Variants in COMMD10 observed in about 807,000 individuals in gnomAD.
COMMD10 encodes COMM domain-containing protein 10.
COMMD10 carries 33 observed loss-of-function variants against 28.9 expected under a neutral mutation model. The observed-to-expected ratio is 1.14, with a 90% CI of 0.87 to 1.53. The LOEUF (loss-of-function observed/expected upper bound fraction) is 1.53. Ranked by LOEUF, COMMD10 falls within the 40% of genes most tolerant of loss-of-function variation. The pLI is 0.00. For missense variants in COMMD10, 310 were observed against 233.4 expected (o/e 1.33, Z -2.14); for synonymous variants, 110 against 81.7 (o/e 1.35, Z -1.87).
At chr5:116,265,757 C>G (rs1580596752) in intron 5 of COMMD10, among the ~76,000 whole-genome samples, 1 of 151,584 alleles carries the variant, frequency 6.6e-6, no homozygotes, top group Non-Finnish European at 1.5e-5. Flanking sequence ...GCAGATGAGC[C>G]ATAGAATATT....
At chr5:116,113,008 C>G (rs973550479) in intron 4 of COMMD10, among the ~76,000 whole-genome samples, 8 of 152,232 alleles carry the variant, frequency 5.3e-5, no homozygotes, top group Non-Finnish European at 8.8e-5. Flanking sequence ...TAGGACTGGT[C>G]TAGTTTTCAT....
chr5:116,280,431 A>G (rs980580561), intron 5 of COMMD10, among the ~76,000 whole-genome samples: 2 of 151,842 alleles, frequency 1.3e-5, no homozygotes, highest in African/African-American at 4.9e-5. Context: ...AGAGATGGGA[A>G]GAGAATCCTA....
At chr5:116,131,405 G>GTGTATGTA (rs558285575) in intron 4 of COMMD10, among the ~76,000 whole-genome samples, 24 of 151,670 alleles carry the variant, frequency 1.6e-4, no homozygotes, top group Non-Finnish European at 2.7e-4. Context: ...GTGTGTATGT[G>GTGTATGTA]TGTATGTATG....
At chr5:116,213,336 C>T (rs1054032843) in intron 5 of COMMD10, among the ~76,000 whole-genome samples, 3 of 152,138 alleles carry the variant, frequency 2.0e-5, no homozygotes, top group Admixed American at 1.3e-4. Flanking sequence ...TCACATCAGT[C>T]TTACAGCTTT....
chr5:116,183,678 C>T (rs992179412), intron 5 of COMMD10, among the ~76,000 whole-genome samples: 20 of 152,108 alleles, frequency 1.3e-4, no homozygotes, highest in African/African-American at 3.9e-4. Flanking sequence ...ACTTAGCACA[C>T]TGACACAGAG....
chr5:116,205,555 T>G (rs1427808564), intron 5 of COMMD10, among the ~76,000 whole-genome samples: 2 of 152,170 alleles, frequency 1.3e-5, no homozygotes, highest in African/African-American at 4.8e-5. Flanking sequence ...TATATGCATA[T>G]GTATATATAC....
At chr5:116,268,503 A>G (rs171625) in intron 5 of COMMD10, among the ~76,000 whole-genome samples, 3 of 151,880 alleles carry the variant, frequency 2.0e-5, no homozygotes, top group African/African-American at 4.9e-5. Flanking sequence ...ACTATTGGTG[A>G]GACTGTAAAC....
In COMMD10 at chr5:116,106,280, T is replaced by C. The variant is rs1178629199; in HGVS notation, c.399+13580T>C. 4.6e-5 allele frequency among the ~76,000 whole-genome samples: 7 copies of C among 152,300 alleles called. No individual in the cohort carries two copies. In the East Asian group the frequency reaches 1.2e-3, roughly 25 times the overall value. Reference sequence around the variant, plus strand: ...TCAGCGGCAGGTTGTTCAGTTTCCATGTGTTGTGAGGTTTTGAGTGAGTTT... The same window carrying C: ...TCAGCGGCAGGTTGTTCAGTTTCCACGTGTTGTGAGGTTTTGAGTGAGTTT... On this transcript the variant is annotated intron_variant, in intron 4 of 6. Coordinates refer to ENST00000274458, the MANE Select transcript of COMMD10 (RefSeq NM_016144.4).
chr5:116,177,527 C>A (rs536429124), intron 5 of COMMD10, among the ~76,000 whole-genome samples: 2 of 78,194 alleles, frequency 2.6e-5, no homozygotes, highest in African/African-American at 1.5e-4. Context: ...TCTAAGTGAC[C>A]CCCCCCACCC....
At chr5:116,116,704 T>TTTTTTC in intron 4 of COMMD10, among the ~76,000 whole-genome samples, 1 of 31,568 alleles carries the variant, frequency 3.2e-5, no homozygotes, top group Non-Finnish European at 1.4e-4. Context: ...AATGCAGAGA[T>TTTTTTC]TTTTTTTTTT....
At chr5:116,217,121 A>G (rs1001789536) in intron 5 of COMMD10, among the ~76,000 whole-genome samples, 2 of 151,798 alleles carry the variant, frequency 1.3e-5, no homozygotes, top group Non-Finnish European at 2.9e-5. Context: ...CTTAGGGAAG[A>G]TTTGGAAAAT....
chr5:116,256,849 G>T (rs528443486), intron 5 of COMMD10, among the ~76,000 whole-genome samples: 8 of 151,708 alleles, frequency 5.3e-5, no homozygotes, highest in African/African-American at 1.9e-4. Flanking sequence ...AGCCAGCCAC[G>T]TGGATACTCT....
At chr5:116,250,440 A>G (rs534691399) in intron 5 of COMMD10, among the ~76,000 whole-genome samples, 10 of 151,502 alleles carry the variant, frequency 6.6e-5, no homozygotes, top group Non-Finnish European at 1.3e-4. Flanking sequence ...ATTTTTATAC[A>G]TAATTGGAGA....
At chr5:116,095,731 C>G (rs1460500023) in intron 4 of COMMD10, among the ~76,000 whole-genome samples, 1 of 151,580 alleles carries the variant, frequency 6.6e-6, no homozygotes, top group Non-Finnish European at 1.5e-5. Flanking sequence ...CTGTTTTCTT[C>G]TAAATGTTTT....
At chr5:116,249,220 T>A (rs1223214138) in intron 5 of COMMD10, among the ~76,000 whole-genome samples, 3 of 151,990 alleles carry the variant, frequency 2.0e-5, no homozygotes, top group Admixed American at 2.0e-4. Context: ...TTACTTTTCA[T>A]TGAAATATTC....
intron 5 of COMMD10, among the ~76,000 whole-genome samples, chr5:116,216,593 G>A (rs751052031): frequency 9.2e-5 from 14 of 152,280 alleles, no homozygotes; most frequent in Admixed American, 3.3e-4. Context: ...GTTCAGTGGC[G>A]CGATCTCGGC....
At position 116,085,076 on chromosome 5, in the gene COMMD10, C is replaced by G. The variant is rs767938566; in HGVS notation, c.24C>G (p.Ile8Met). The G allele has an allele frequency of 2.5e-6, 4 of 1,610,338 alleles. No homozygotes were observed. The South Asian group carries it at 3.3e-5, about 13-fold the overall frequency. Residue 8 changes from isoleucine (I) to methionine (M), a missense_variant, in exon 1 of 7, where the codon ATC (isoleucine) becomes ATG (methionine). Coordinates refer to ENST00000274458, the MANE Select transcript of COMMD10 (RefSeq NM_016144.4). MAVPAAL[I>M]LRESPSMKKA... ...AGATGGCGGTCCCCGCGGCGCTGAT[C>G]CTACGGGAGAGCCCCAGGTAGCTGA... is the stretch of plus-strand genomic sequence containing the variant.
chr5:116,190,710 C>A (rs750517789), intron 5 of COMMD10, among the ~76,000 whole-genome samples: 15 of 152,140 alleles, frequency 9.9e-5, no homozygotes, highest in South Asian at 6.2e-4. Context: ...AACTTTTGTA[C>A]CTAAAATATT....
At chr5:116,209,049 C>G (rs936871410) in intron 5 of COMMD10, among the ~76,000 whole-genome samples, 1 of 151,972 alleles carries the variant, frequency 6.6e-6, no homozygotes, top group Non-Finnish European at 1.5e-5. Flanking sequence ...TAATCTGATT[C>G]CTCTTCCATG....
Sources: allele counts gnomAD v4.1 joint callset (sites outside exome capture counted in the v4.1 genomes callset), GRCh38; gene constraint gnomAD v4.1.1; transcripts MANE v1.5; gene names NCBI Gene and HGNC (gene_info 2026-07-23, HGNC 2026-07-21).